PDGFD: variants seen among roughly 807,000 people sequenced by gnomAD.
PDGFD encodes the protein platelet-derived growth factor D.
In PDGFD, 30 loss-of-function variants were observed where a neutral mutation model predicts 44.7. The ratio of observed to expected loss-of-function variants is 0.67; its 90% CI spans 0.50 to 0.91. The LOEUF is 0.91. Among genes scored for constraint, PDGFD ranks in the 40% least tolerant of loss-of-function variants. The probability of loss-of-function intolerance (pLI) is 0.00; values close to 1 mark genes in which losing one functional copy is unlikely to be tolerated. For missense variants in PDGFD, 445 were observed against 457.8 expected (o/e 0.97, Z 0.25); for synonymous variants, 173 against 168.4 (o/e 1.03, Z -0.21).
At chr11:103,946,126 T>A (rs1415472010) in intron 4 of PDGFD, 1 of 142,926 alleles carries the variant, frequency 7.0e-6, no homozygotes, top group Non-Finnish European at 1.5e-5. Flanking sequence ...GTTAACTGCA[T>A]TAATTTAAAA....
chr11:104,089,718 C>T (rs942379028), intron 1 of PDGFD, among the ~76,000 whole-genome samples: 3 of 152,184 alleles, frequency 2.0e-5, no homozygotes, highest in South Asian at 2.1e-4. Context: ...GACTTGAAAT[C>T]GTATGCATTT....
intron 1 of PDGFD, among the ~76,000 whole-genome samples, chr11:104,016,950 T>C (rs1274348345): frequency 2.0e-5 from 3 of 152,206 alleles, no homozygotes; most frequent in Non-Finnish European, 4.4e-5. Flanking sequence ...TTCTCTGCTA[T>C]AGTCTGAATG....
At chr11:104,086,466 A>G (rs1861132539) in intron 1 of PDGFD, among the ~76,000 whole-genome samples, 2 of 152,226 alleles carry the variant, frequency 1.3e-5, no homozygotes, top group Non-Finnish European at 2.9e-5. Context: ...TATATTTAAG[A>G]GACTACATTT....
intron 1 of PDGFD, among the ~76,000 whole-genome samples, chr11:104,054,186 T>G (rs926037387): frequency 6.6e-6 from 1 of 152,228 alleles, no homozygotes; most frequent in Non-Finnish European, 1.5e-5. Flanking sequence ...GGGAAGCGAT[T>G]TCTGCAAAGG....
At chr11:104,100,114 C>G (rs1227573534) in intron 1 of PDGFD, among the ~76,000 whole-genome samples, 1 of 152,078 alleles carries the variant, frequency 6.6e-6, no homozygotes, top group Non-Finnish European at 1.5e-5. Flanking sequence ...TTCCCTTAAG[C>G]ATTTCCACCA....
At chr11:104,116,718 T>G (rs1397855997) in intron 1 of PDGFD, among the ~76,000 whole-genome samples, 1 of 151,994 alleles carries the variant, frequency 6.6e-6, no homozygotes, top group African/African-American at 2.4e-5. Flanking sequence ...AAATCTCAAC[T>G]TCTAGAATTC....
intron 1 of PDGFD, among the ~76,000 whole-genome samples, chr11:104,092,058 G>A (rs1001603672): frequency 6.6e-6 from 1 of 151,904 alleles, no homozygotes; most frequent in Admixed American, 6.6e-5. Context: ...CTAGTTTAAA[G>A]ATGAAGAAAC....
At chr11:103,969,068 C>T (rs547859974) in intron 3 of PDGFD, among the ~76,000 whole-genome samples, 13 of 152,290 alleles carry the variant, frequency 8.5e-5, no homozygotes, top group African/African-American at 3.1e-4. Context: ...TGTAGATGCT[C>T]CCTTCTCTGT....
At chr11:103,916,373 CA>C (rs1326726575) in intron 6 of PDGFD, among the ~76,000 whole-genome samples, 36 of 152,250 alleles carry the variant, frequency 2.4e-4, no homozygotes, top group African/African-American at 7.9e-4. Context: ...AAATGCAAAA[CA>C]AAACCACAGT....
intron 1 of PDGFD, among the ~76,000 whole-genome samples, chr11:104,048,390 C>A (rs898922765): frequency 6.6e-6 from 1 of 151,706 alleles, no homozygotes; most frequent in African/African-American, 2.4e-5. Flanking sequence ...TATTTTTCTA[C>A]TCTCTTCTTT....
intron 1 of PDGFD, among the ~76,000 whole-genome samples, chr11:104,112,550 T>C (rs1257266489): frequency 6.6e-6 from 1 of 152,122 alleles, no homozygotes; most frequent in Non-Finnish European, 1.5e-5. Context: ...TAGATTCTTC[T>C]GTTATAAAGA....
At chr11:103,996,334 T>C in intron 2 of PDGFD, 89 bp from the exon 3 acceptor site, 1 of 1,090,402 alleles carries the variant, frequency 9.2e-7, no homozygotes, top group Non-Finnish European at 1.4e-6. Context: ...CTAGCATATA[T>C]GATTTGTCAT....
intron 1 of PDGFD, among the ~76,000 whole-genome samples, chr11:104,155,222 C>T (rs1044581614): frequency 2.6e-5 from 4 of 152,136 alleles, no homozygotes; most frequent in Non-Finnish European, 5.9e-5. Flanking sequence ...ATACTTAAGG[C>T]AATACCATTT....
intron 1 of PDGFD, among the ~76,000 whole-genome samples, chr11:104,064,977 G>T (rs939402090): frequency 6.6e-6 from 1 of 152,182 alleles, no homozygotes; most frequent in African/African-American, 2.4e-5. Context: ...TGAGTCAGTG[G>T]ACTGGGAAAG....
intron 6 of PDGFD, among the ~76,000 whole-genome samples, chr11:103,915,756 T>C (rs775736269): frequency 6.6e-6 from 1 of 152,054 alleles, no homozygotes. Context: ...TATAGACCAA[T>C]GGAACAGAAC....
chr11:104,083,352 A>G (rs1861074953), intron 1 of PDGFD, among the ~76,000 whole-genome samples: 1 of 152,210 alleles, frequency 6.6e-6, no homozygotes, highest in Non-Finnish European at 1.5e-5. Context: ...TAAAGTTTAA[A>G]GAACCCGGCT....
intron 1 of PDGFD, among the ~76,000 whole-genome samples, chr11:104,113,373 T>C (rs971579880): frequency 6.6e-6 from 1 of 151,970 alleles, no homozygotes; most frequent in Non-Finnish European, 1.5e-5. Context: ...TATAGTCTAA[T>C]AACAGAATAA....
intron 3 of PDGFD, among the ~76,000 whole-genome samples, chr11:103,973,023 A>G (rs1013592159): frequency 6.6e-6 from 1 of 152,210 alleles, no homozygotes; most frequent in East Asian, 1.9e-4. Context: ...AATGAGTAAT[A>G]CAGGAACCTT....
chr11:103,996,044 A>T lies in PDGFD; in HGVS notation c.510+21T>A, dbSNP rs757378146. 4.4e-5 allele frequency: 71 copies of T among 1,597,528 alleles called. No individual in the cohort carries two copies. In the Middle Eastern group the frequency reaches 6.8e-4, roughly 15 times the overall value. On this transcript the variant is annotated intron_variant, in intron 3 of 6. Transcript: ENST00000393158. ...ATGAAACCAGTGTCTGCTTTTAATC[A>T]TAAAGTGGTTAAGTACTCACCAGCA...
Sources: gnomAD v4.1 joint callset for allele counts (sites outside exome capture counted in the v4.1 genomes callset) on GRCh38, gnomAD v4.1.1 for gene constraint, MANE v1.5 for transcripts, NCBI Gene and HGNC (gene_info 2026-07-23, HGNC 2026-07-21) for gene names.